Variants in SPECC1 observed in about 807,000 individuals in gnomAD.
The protein encoded by SPECC1 is cytospin-B.
Under a neutral mutation model 104.1 loss-of-function variants are expected in SPECC1, and 62 were observed. The observed-to-expected ratio is 0.60, with a 90% CI of 0.49 to 0.74. SPECC1 has a LOEUF of 0.74. Ranked by LOEUF, SPECC1 falls within the 30% of genes least tolerant of loss-of-function variation. The probability of loss-of-function intolerance (pLI) is 0.00; values close to 1 mark genes in which losing one functional copy is unlikely to be tolerated. For synonymous variants in SPECC1, 513 were observed against 501.6 expected (o/e 1.02, Z -0.30); for missense variants, 1,306 against 1,310.5 (o/e 1.00, Z 0.05).
At chr17:20,260,328 C>T (rs1036776341) in intron 12 of SPECC1, 34 bp downstream of exon 12, 4 of 1,595,516 alleles carry the variant, frequency 2.5e-6, no homozygotes, top group Non-Finnish European at 3.4e-6. Flanking sequence ...TCCAGCTGCC[C>T]CTGGGCAGTA....
At chr17:20,307,581 A>G (rs1013868621) in intron 14 of SPECC1, among the ~76,000 whole-genome samples, 2 of 152,246 alleles carry the variant, frequency 1.3e-5, no homozygotes, top group African/African-American at 4.8e-5. Context: ...AAGTGAGCAT[A>G]TGAACAGTTT....
chr17:20,272,608 AC>A (rs1395380216), intron 12 of SPECC1, among the ~76,000 whole-genome samples: 1 of 152,190 alleles, frequency 6.6e-6, no homozygotes, highest in East Asian at 1.9e-4. Flanking sequence ...CACTTTAGGT[AC>A]CCCATATAAA....
chr17:20,296,990 C>G lies in SPECC1; in HGVS notation c.2970C>G (p.Ser990Arg). ...ANIDITNFSSSWSDGLAFCAL... is the reference protein window; with the variant it reads ...ANIDITNFSSRWSDGLAFCAL... ...TTGACATCACCAATTTCAGCAGCAG[C>G]TGGAGCGATGGCCTGGCCTTCTGTG... The change falls in exon 13 of 15, where the codon AGC becomes AGG. Residue 990 changes from serine to arginine, a missense_variant. By Grantham distance (110) the Ser-to-Arg change is moderately radical. This residue lies in a region of SPECC1 where 129 missense variants were observed against 170.6 expected (regional missense o/e 0.76). Coordinates refer to ENST00000395527, the MANE Select transcript of SPECC1 (RefSeq NM_001243439.2). 6.2e-7 allele frequency: 1 copy of G among 1,614,208 alleles called. No individual in the cohort carries two copies. The highest frequency in any genetic ancestry group is 1.1e-5 in the South Asian group (1 of 91,082).
In SPECC1 at chr17:20,037,398, G is replaced by A. The variant is rs555624131; in HGVS notation, c.-22+27974G>A. The stretch of plus-strand genomic sequence containing the variant: ...ACTCCTGACCTCAGGTGATCCACCA[G>A]CGTCAGCCTCCCAAAGTGCTGAGAT... On this transcript the variant is annotated intron_variant, in intron 1 of 14. Transcript: ENST00000395527. 4.3e-4 allele frequency among the ~76,000 whole-genome samples: 66 copies of A among 152,128 alleles called. 1 individual carries two copies. In the South Asian group the frequency reaches 0.013, roughly 30 times the overall value.
chr17:20,229,436 A>T (rs1411206994), intron 5 of SPECC1, among the ~76,000 whole-genome samples: 3 of 152,198 alleles, frequency 2.0e-5, no homozygotes, highest in South Asian at 2.1e-4. Flanking sequence ...AGACTGAGGC[A>T]GGAGGATCGA....
chr17:20,202,865 T>G (rs993235557), intron 3 of SPECC1, among the ~76,000 whole-genome samples: 1 of 152,214 alleles, frequency 6.6e-6, no homozygotes, highest in Non-Finnish European at 1.5e-5. Context: ...TTCCAGAAAC[T>G]TAATTTGAAG....
intron 1 of SPECC1, among the ~76,000 whole-genome samples, chr17:20,072,516 G>A (rs1477946679): frequency 6.6e-6 from 1 of 152,238 alleles, no homozygotes; most frequent in Non-Finnish European, 1.5e-5. Flanking sequence ...TGTGCCTGTT[G>A]TCTCCTTCAA....
intron 1 of SPECC1, among the ~76,000 whole-genome samples, chr17:20,018,551 C>T (rs2044240872): frequency 6.6e-6 from 1 of 152,238 alleles, no homozygotes; most frequent in South Asian, 2.1e-4. Flanking sequence ...CCACCATGCC[C>T]AGTCCTTGGT....
rs1180018211 is a variant in SPECC1 at position 20,204,384 on chromosome 17, C to T, written c.335C>T (p.Ser112Leu). ...GGCATTCCAGCCCCACGGGAATTTT[C>T]AGTAACTGTCTCAAGAGAGAGGTCT... is the stretch of plus-strand genomic sequence containing the variant. ...RTGIPAPREF[S>L]VTVSRERSVP... is the part of the protein sequence containing the mutation. The change falls in exon 4 of 15, where the codon TCA becomes TTA. Residue 112 changes from serine to leucine, a missense_variant. Physicochemically the swap from Ser to Leu is moderately radical, Grantham distance 145. This residue lies in a region of SPECC1 where 1,177 missense variants were observed against 1,139.9 expected (regional missense o/e 1.03). Coordinates refer to ENST00000395527, the MANE Select transcript of SPECC1 (RefSeq NM_001243439.2). 20 of 1,613,880 alleles carry T rather than the reference C, an allele frequency of 1.2e-5. No homozygotes were observed. The highest frequency in any genetic ancestry group is 1.4e-5 in the Non-Finnish European group (17 of 1,179,986).
chr17:20,124,748 C>T (rs1003530200), intron 3 of SPECC1, among the ~76,000 whole-genome samples: 4 of 152,174 alleles, frequency 2.6e-5, no homozygotes, highest in African/African-American at 7.2e-5. Context: ...CTGCTTTAAA[C>T]AGGCTCAGAA....
intron 1 of SPECC1, among the ~76,000 whole-genome samples, chr17:20,035,558 T>G (rs1239040718): frequency 6.6e-6 from 1 of 152,204 alleles, no homozygotes; most frequent in Non-Finnish European, 1.5e-5. Flanking sequence ...CAGTATTTAT[T>G]ATGTTTTTAA....
chr17:20,298,946 A>AGAGAGAGAGAGAGAGT (rs2041452601), intron 13 of SPECC1, among the ~76,000 whole-genome samples: 1 of 45,794 alleles, frequency 2.2e-5, no homozygotes, highest in Non-Finnish European at 3.7e-5. Flanking sequence ...AGAGAGAGAG[A>AGAGAGAGAGAGAGAGT]GAGTGTGTGT....
intron 1 of SPECC1, among the ~76,000 whole-genome samples, chr17:20,025,999 A>G (rs2044584789): frequency 6.6e-6 from 1 of 152,094 alleles, no homozygotes; most frequent in South Asian, 2.1e-4. Context: ...TTTATTGGCC[A>G]ATTGTATATA....
chr17:20,237,017 C>A, intron 7 of SPECC1: 10 of 1,548,248 alleles, frequency 6.5e-6, no homozygotes, highest in Non-Finnish European at 5.2e-6. Context: ...TTGTGACATT[C>A]TCTGTTTCTC....
intron 1 of SPECC1, among the ~76,000 whole-genome samples, chr17:20,054,377 C>T (rs79639330): frequency 0.037 from 5,599 of 152,234 alleles, 123 homozygotes; most frequent in Middle Eastern, 0.061. Context: ...GAATCTCCCA[C>T]GGCTTTTCTT....
chr17:20,012,972 G>T (rs1035838701), intron 1 of SPECC1, among the ~76,000 whole-genome samples: 2 of 151,938 alleles, frequency 1.3e-5, no homozygotes, highest in Non-Finnish European at 2.9e-5. Flanking sequence ...TTTTATAACT[G>T]GCTTATTTCA....
chr17:20,102,179 G>A (rs1014047542), intron 2 of SPECC1, among the ~76,000 whole-genome samples: 1 of 152,220 alleles, frequency 6.6e-6, no homozygotes, highest in East Asian at 1.9e-4. Flanking sequence ...GCAAGAATTA[G>A]TAACTGAGAC....
chr17:20,243,300 G>A (rs1231913820), intron 7 of SPECC1, among the ~76,000 whole-genome samples: 1 of 152,138 alleles, frequency 6.6e-6, no homozygotes, highest in Non-Finnish European at 1.5e-5. Flanking sequence ...ATACCTGGCT[G>A]TATACTTACA....
intron 3 of SPECC1, among the ~76,000 whole-genome samples, chr17:20,116,200 G>A (rs1219251207): frequency 6.6e-6 from 1 of 152,078 alleles, no homozygotes; most frequent in East Asian, 1.9e-4. Context: ...CCATTCTCCT[G>A]CCTCAGCCTC....
Sources: allele counts gnomAD v4.1 joint callset (sites outside exome capture counted in the v4.1 genomes callset), GRCh38; gene constraint gnomAD v4.1.1; regional missense constraint gnomAD v4.1.1; transcripts MANE v1.5; gene names NCBI Gene and HGNC (gene_info 2026-07-23, HGNC 2026-07-21).